The following RANBP2 variants were observed in gnomAD, a reference collection of about 807,000 sequenced individuals.
RANBP2 encodes the protein RAN binding protein 2.
Under a neutral mutation model 303.6 loss-of-function variants are expected in RANBP2, and 57 were observed. The observed-to-expected ratio is 0.19, with a 90% CI of 0.15 to 0.23. The LOEUF is 0.23. Among genes scored for constraint, RANBP2 ranks in the 10% least tolerant of loss-of-function variants. The pLI is 1.00. For synonymous variants in RANBP2, 1,167 were observed against 1,301.5 expected (o/e 0.90, Z 2.23); for missense variants, 3,138 against 3,780.8 (o/e 0.83, Z 4.46).
At chr2:108,962,543 C>T in the RANBP2 span, among the ~76,000 whole-genome samples, 23 of 151,814 alleles carry the variant, frequency 1.5e-4, no homozygotes, top group Admixed American at 4.6e-4. Context: ...GGCGTGGTGG[C>T]GGGCGCCTGT....
the RANBP2 span, among the ~76,000 whole-genome samples, chr2:109,417,369 C>T: frequency 4.6e-5 from 7 of 152,300 alleles, no homozygotes; most frequent in East Asian, 7.7e-4. Flanking sequence ...TTGTTGGGGA[C>T]ACCTCCTCTT....
chr2:109,159,326 G>A, the RANBP2 span, among the ~76,000 whole-genome samples: 1 of 152,206 alleles, frequency 6.6e-6, no homozygotes, highest in Admixed American at 6.5e-5. Flanking sequence ...TCGTCCTGCC[G>A]AGAGGGTGCT....
At chr2:109,019,922 C>G in the RANBP2 span, among the ~76,000 whole-genome samples, 1 of 152,172 alleles carries the variant, frequency 6.6e-6, no homozygotes, top group Non-Finnish European at 1.5e-5. Flanking sequence ...TAAATCAGCA[C>G]AGCCAGTGTC....
At chr2:109,614,709 G>GTCGATC in the RANBP2 span, 2 of 1,488,312 alleles carry the variant, frequency 1.3e-6, no homozygotes, top group South Asian at 2.5e-5. Flanking sequence ...CGCCGACGGC[G>GTCGATC]CCAAGTACGT....
the RANBP2 span, among the ~76,000 whole-genome samples, chr2:109,239,223 G>A: frequency 1.7e-3 from 261 of 152,134 alleles, no homozygotes; most frequent in Non-Finnish European, 2.6e-3. Context: ...GCTGGGGTCC[G>A]TAAATACGGA....
chr2:108,942,947 A>T, the RANBP2 span, among the ~76,000 whole-genome samples: 3 of 152,204 alleles, frequency 2.0e-5, no homozygotes, highest in Admixed American at 2.0e-4. Flanking sequence ...GGATTAGACC[A>T]TGCCTTCCCG....
the RANBP2 span, among the ~76,000 whole-genome samples, chr2:109,163,841 A>G: frequency 6.6e-6 from 1 of 152,192 alleles, no homozygotes; most frequent in Non-Finnish European, 1.5e-5. Flanking sequence ...GTTTTCCATG[A>G]TCTCTCTGGT....
chr2:109,228,655 A>C, the RANBP2 span, among the ~76,000 whole-genome samples: 1 of 152,110 alleles, frequency 6.6e-6, no homozygotes, highest in South Asian at 2.1e-4. Context: ...GTGGCTGCAA[A>C]TCTGGTTTAT....
chr2:109,409,340 G>A, the RANBP2 span, among the ~76,000 whole-genome samples: 1 of 152,220 alleles, frequency 6.6e-6, no homozygotes, highest in Non-Finnish European at 1.5e-5. Flanking sequence ...AGACTTTGCA[G>A]CCAGGTAGTA....
the RANBP2 span, among the ~76,000 whole-genome samples, chr2:108,985,259 T>C: frequency 2.0e-5 from 3 of 152,214 alleles, no homozygotes; most frequent in Non-Finnish European, 2.9e-5. Flanking sequence ...TGTGCTACAC[T>C]GCGGGCCTCA....
the RANBP2 span, among the ~76,000 whole-genome samples, chr2:109,612,179 C>T: frequency 6.6e-6 from 1 of 151,398 alleles, no homozygotes; most frequent in Non-Finnish European, 1.5e-5. Flanking sequence ...CAGAACTTTG[C>T]TGAGTTGAAA....
At chr2:109,495,752 A>G in the RANBP2 span, among the ~76,000 whole-genome samples, 2 of 152,144 alleles carry the variant, frequency 1.3e-5, no homozygotes, top group Admixed American at 1.3e-4. Flanking sequence ...TCGGATTCCC[A>G]GAGTGCTGGG....
the RANBP2 span, among the ~76,000 whole-genome samples, chr2:109,063,259 C>T: frequency 1.3e-5 from 2 of 152,346 alleles, no homozygotes; most frequent in East Asian, 3.9e-4. Context: ...GAGCCACCCA[C>T]TCCTGGGGCT....
At chr2:109,613,958 G>C in the RANBP2 span, 407 of 1,210,004 alleles carry the variant, frequency 3.4e-4, no homozygotes, top group Non-Finnish European at 4.1e-4. Context: ...CCTCCGCGAC[G>C]GGGAAGGGAC....
the RANBP2 span, among the ~76,000 whole-genome samples, chr2:109,311,873 G>T: frequency 6.6e-6 from 1 of 152,194 alleles, no homozygotes; most frequent in East Asian, 1.9e-4. Flanking sequence ...GTTTGAAGTT[G>T]TTTTCTCGTT....
chr2:109,052,212 C>T, the RANBP2 span, among the ~76,000 whole-genome samples: 1,971 of 152,314 alleles, frequency 0.013, 48 homozygotes, highest in African/African-American at 0.046. Context: ...CAGTTTTGAA[C>T]AGTCATCTCT....
chr2:108,724,838 C>G (rs1573681876), intron 1 of RANBP2, among the ~76,000 whole-genome samples: 1 of 151,406 alleles, frequency 6.6e-6, no homozygotes, highest in Non-Finnish European at 1.5e-5. Context: ...TGTTGGGACT[C>G]CACAGATTTG....
chr2:109,002,405 T>C, the RANBP2 span, among the ~76,000 whole-genome samples: 2 of 152,212 alleles, frequency 1.3e-5, no homozygotes, highest in African/African-American at 4.8e-5. Flanking sequence ...AACCACTGCT[T>C]TGGCTTCTCC....
the RANBP2 span, among the ~76,000 whole-genome samples, chr2:109,136,301 T>G: frequency 1.3e-5 from 2 of 152,098 alleles, no homozygotes; most frequent in African/African-American, 4.8e-5. Context: ...GAGGCCAAGG[T>G]CAATTTTTAT....
Sources: gnomAD v4.1 joint callset for allele counts (sites outside exome capture counted in the v4.1 genomes callset) on GRCh38, gnomAD v4.1.1 for gene constraint, MANE v1.5 for transcripts, NCBI Gene and HGNC (gene_info 2026-07-23, HGNC 2026-07-21) for gene names.